The following SPTBN2 variants were observed in gnomAD, a reference collection of about 807,000 sequenced individuals.
SPTBN2 encodes the protein spectrin beta chain, non-erythrocytic 2.
A neutral mutation model predicts 284.2 loss-of-function variants in SPTBN2; 107 were observed. The ratio of observed to expected loss-of-function variants is 0.38; its 90% CI spans 0.32 to 0.44. The LOEUF is 0.44. SPTBN2 is among the 20% of genes least tolerant of loss of function. The pLI, the probability that SPTBN2 is intolerant of heterozygous loss-of-function variation, is 1.00. For synonymous variants in SPTBN2, 1,289 were observed against 1,354.8 expected, an observed-to-expected ratio of 0.95 and a Z score of 1.07; for missense variants, 2,569 against 3,287.1, an observed-to-expected ratio of 0.78 and a Z score of 5.34.
At chr11:66,706,632 C>CTTTT (rs1261017116) in intron 13 of SPTBN2, among the ~76,000 whole-genome samples, 1 of 133,410 alleles carries the variant, frequency 7.5e-6, no homozygotes, top group African/African-American at 2.8e-5. Context: ...TGCCTAGCTG[C>CTTTT]TTTTTTTTTT....
chr11:66,729,751 G>A (rs1332949549), upstream of SPTBN2, among the ~76,000 whole-genome samples: 1 of 152,116 alleles, frequency 6.6e-6, no homozygotes, highest in African/African-American at 2.4e-5. Flanking sequence ...CCACGAAACT[G>A]GAACTGGCTC....
At chr11:66,686,540 T>C (rs1410493402) in intron 36 of SPTBN2, 100 bp from the exon 37 acceptor site, 21 of 1,348,310 alleles carry the variant, frequency 1.6e-5, no homozygotes, top group Non-Finnish European at 2.2e-5. Context: ...GGCTGGGACA[T>C]CTGGCTGCAG....
chr11:66,692,837 G>A (rs749524931), intron 25 of SPTBN2, 97 bp from the exon 26 acceptor site: 63 of 1,595,252 alleles, frequency 3.9e-5, no homozygotes, highest in Admixed American at 5.0e-5. Context: ...TCTCCCAACA[G>A]CTCGCCCACC....
At chr11:66,698,546 C>T (rs1941061875) in intron 20 of SPTBN2, 93 bp downstream of exon 20, 2 of 1,595,406 alleles carry the variant, frequency 1.3e-6, no homozygotes, top group South Asian at 1.1e-5. Context: ...ACCCCACAAT[C>T]TCTAACCATG....
chr11:66,714,061 C>A (rs780159774), intron 7 of SPTBN2, 30 bp downstream of exon 7: 1 of 1,610,450 alleles, frequency 6.2e-7, no homozygotes, highest in South Asian at 1.1e-5. Flanking sequence ...CCCAGCAGCT[C>A]TGCTGCGTTT....
rs190192644 is a variant in SPTBN2, at chr11:66,703,225, G to A, written c.2678+1373C>T. Among the ~76,000 whole-genome samples the A allele has an allele frequency of 8.5e-3, 1,287 of 151,584 alleles. 10 individuals carry two copies. Among genetic ancestry groups the A allele is most frequent in the South Asian group, 0.017 (80 of 4,804 alleles). ...CTCCCCAGTAGCTGGGACTACAGGCGCCTGCCACCATGCCTGGCTAATTAA... is the reference window on the plus strand; with the variant it reads ...CTCCCCAGTAGCTGGGACTACAGGCACCTGCCACCATGCCTGGCTAATTAA... On this transcript the variant is annotated intron_variant, in intron 15 of 37. Coordinates refer to ENST00000533211, the MANE Select transcript of SPTBN2 (RefSeq NM_006946.4).
intron 15 of SPTBN2, among the ~76,000 whole-genome samples, chr11:66,703,991 T>A (rs74573237): frequency 1.3e-5 from 2 of 148,514 alleles, no homozygotes; most frequent in Admixed American, 1.3e-4. Context: ...TTTTTTTTTT[T>A]TGAGACAGTC....
At chr11:66,717,409 T>C (rs1942197102) in intron 3 of SPTBN2, among the ~76,000 whole-genome samples, 1 of 152,076 alleles carries the variant, frequency 6.6e-6, no homozygotes, top group Non-Finnish European at 1.5e-5. Flanking sequence ...AGCACCAGCA[T>C]CTCAGAAACC....
Position 66,693,385 on chromosome 11 carries a change from C to T in SPTBN2, c.4655G>A (p.Arg1552His), listed in dbSNP as rs182094691. 43 of 1,602,346 alleles carry T rather than the reference C, an allele frequency of 2.7e-5. No individual in the cohort carries two copies. The highest frequency in any genetic ancestry group is 1.6e-4 in the East Asian group (7 of 44,870). The change falls in exon 24 of 38, where the codon CGT becomes CAT. Residue 1552 changes from arginine (R) to histidine (H), a missense_variant. Around this residue, in one of 6 missense-constraint regions of SPTBN2, gnomAD observed 1,130 missense variants for 1,317.3 expected, o/e 0.86. Transcript: ENST00000533211. The surrounding 1 kb of genome is among the most constrained non-coding windows in gnomAD (Gnocchi z 5.7). ...PRIADLRERQRALGAAAAGPE... is the reference protein window; with the variant it reads ...PRIADLRERQHALGAAAAGPE... ...ACCTGCTGCTGCTGCACCTAGAGCA[C>T]GCTGCCGCTCCCTCAGGTCCGCGAT...
rs768308769 is a variant in SPTBN2 at position 66,691,628 on chromosome 11, G to C, written c.5221C>G (p.Arg1741Gly). 1.2e-6 allele frequency: 2 copies of C among 1,613,770 alleles called. No homozygotes were observed. The highest frequency in any genetic ancestry group is 1.3e-5 in the African/African-American group (1 of 75,050). The change falls in exon 27 of 38, where the codon CGG becomes GGG. Residue 1741 changes from arginine to glycine, a missense_variant. Around this residue, in one of 6 missense-constraint regions of SPTBN2, gnomAD observed 1,130 missense variants for 1,317.3 expected, o/e 0.86. Transcript: ENST00000533211. The surrounding 1 kb of genome is among the most constrained non-coding windows in gnomAD (Gnocchi z 8.0). ...TCCTGACCGATGGTGCTTGTGTCCCGGGAGAACTCTCGGAATTTGTCTCGG... is the reference window on the plus strand; with the variant it reads ...TCCTGACCGATGGTGCTTGTGTCCCCGGAGAACTCTCGGAATTTGTCTCGG... ...MLRDKFREFS[R>G]DTSTIGQERV...
chr11:66,690,467 G>T, intron 27 of SPTBN2, 184 bp from the exon 28 acceptor site: 1 of 782,654 alleles, frequency 1.3e-6, no homozygotes, highest in Non-Finnish European at 2.0e-6. Context: ...GCCCTGTTGG[G>T]TCTCATCTAG....
chr11:66,741,607 C>A lies in SPTBN2; in HGVS notation c.-475+2935G>T, dbSNP rs888859006. 3.9e-5 allele frequency among the ~76,000 whole-genome samples: 6 copies of A among 152,108 alleles called. No homozygotes were observed. The South Asian group carries it at 8.3e-4, about 21-fold the overall frequency. On this transcript the variant is annotated intron_variant, in intron 1 of 37. Transcript: ENST00000611817. ...CTACAGACACTGCCAATAAATGAGACCTGGAAGGCCAGGGCTGAAAATATC... is the reference window on the plus strand; with the variant it reads ...CTACAGACACTGCCAATAAATGAGAACTGGAAGGCCAGGGCTGAAAATATC...
rs368261373 is a variant in SPTBN2 at position 66,714,107 on chromosome 11, T to C, written c.640A>G (p.Ile214Val). ...TCTTCTCACCGGTGTTTATGCACGA[T>C]GGCGTTGAAAGCTAGTCCATCTCTC... ...SWRDGLAFNA[I>V]VHKHRPDLLD... Residue 214 changes from isoleucine to valine, a missense_variant, in exon 7 of 38, where the codon ATC becomes GTC. Physicochemically the swap from Ile to Val is conservative, Grantham distance 29. Transcript: ENST00000533211. The C allele has an allele frequency of 1.5e-5, 24 of 1,614,140 alleles. No individual in the cohort carries two copies. The African/African-American group carries it at 2.7e-4, about 18-fold the overall frequency.
intron 3 of SPTBN2, among the ~76,000 whole-genome samples, chr11:66,720,334 C>T (rs1159324586): frequency 3.9e-5 from 6 of 152,158 alleles, no homozygotes; most frequent in South Asian, 4.1e-4. Flanking sequence ...GGAAGCCAGA[C>T]GGGGTAGGTG....
chr11:66,711,290 C>T (rs1941852087), intron 8 of SPTBN2, among the ~76,000 whole-genome samples: 1 of 152,280 alleles, frequency 6.6e-6, no homozygotes, highest in East Asian at 1.9e-4. Context: ...CCAGAGTTCC[C>T]CGTGGAGACC....
chr11:66,714,536 G>T, intron 5 of SPTBN2, 129 bp from the exon 6 acceptor site: 1 of 825,766 alleles, frequency 1.2e-6, no homozygotes, highest in Non-Finnish European at 2.0e-6. Flanking sequence ...ATAGCCTGAG[G>T]TCCTTTCAAC....
At chr11:66,705,591 T>C in intron 14 of SPTBN2, 93 bp downstream of exon 14, 1 of 1,602,330 alleles carries the variant, frequency 6.2e-7, no homozygotes, top group Non-Finnish European at 8.5e-7. Flanking sequence ...GCCACCATCT[T>C]TCCCGTCCCC....
At position 66,693,683 on chromosome 11, in the gene SPTBN2, A is replaced by G; in HGVS notation, c.4593+89T>C. ...ACTGAAGTCCAGGGTTACACTCAGC[A>G]TCGAGGGGGGCCTGGTCTTAAGAAA... On this transcript the variant is annotated intron_variant, in intron 23 of 37. Coordinates refer to ENST00000533211, the MANE Select transcript of SPTBN2 (RefSeq NM_006946.4). The surrounding 1 kb of genome is among the most constrained non-coding windows in gnomAD (Gnocchi z 5.7). 2 of 1,386,422 alleles carry G rather than the reference A, an allele frequency of 1.4e-6. No homozygotes were observed. The highest frequency in any genetic ancestry group is 2.0e-6 in the Non-Finnish European group (2 of 999,410). 85.9% of individuals were successfully genotyped at this position (1,386,422 alleles called of 1,614,324 possible). A position where few individuals can be genotyped will look rare whatever the true frequency, so the allele number is the denominator to read the frequency against.
Position 66,708,370 on chromosome 11 carries a change from T to C in SPTBN2, c.1192-71A>G, listed in dbSNP as rs1941680516. The C allele has an allele frequency of 7.0e-7, 1 of 1,437,290 alleles. No homozygotes were observed. The highest frequency in any genetic ancestry group is 9.3e-7 in the Non-Finnish European group (1 of 1,075,182). 89.0% of individuals were successfully genotyped at this position (1,437,290 alleles called of 1,614,324 possible). On this transcript the variant is annotated intron_variant, in intron 11 of 37. Transcript: ENST00000533211. The surrounding 1 kb of genome is among the most constrained non-coding windows in gnomAD (Gnocchi z 4.4). ...GCTCAGTGGGGCTGGAGGCACATGG[T>C]AAGTCCCATGGAAGCTCGGTCTGGT... is the stretch of plus-strand genomic sequence containing the variant.
Sources: gnomAD v4.1 joint callset for allele counts (sites outside exome capture counted in the v4.1 genomes callset) on GRCh38, gnomAD v4.1.1 for gene constraint, gnomAD v4.1.1 regional missense constraint, Gnocchi (gnomAD v3.1) non-coding constraint, MANE v1.5 for transcripts, NCBI Gene and HGNC (gene_info 2026-07-23, HGNC 2026-07-21) for gene names.